The following C1orf174 variants were observed in gnomAD, a reference collection of about 807,000 sequenced individuals.
C1orf174 encodes UPF0688 protein C1orf174.
In C1orf174, 13 loss-of-function variants were observed where a neutral mutation model predicts 18.4. The observed-to-expected ratio is 0.71, with a 90% CI of 0.46 to 1.12. The LOEUF (loss-of-function observed/expected upper bound fraction) is 1.12, where lower values mean the gene tolerates loss of function less well. Ranked by LOEUF, C1orf174 falls within the 50% of genes most tolerant of loss-of-function variation. The pLI, the probability that C1orf174 is intolerant of heterozygous loss-of-function variation, is 0.00. For synonymous variants in C1orf174, 100 were observed against 118.3 expected (o/e 0.85, Z 1.01); for missense variants, 309 against 308.0 (o/e 1.00, Z -0.02).
chr1:3,893,056 C>T (rs574862193), intron 1 of C1orf174, 60 bp from the exon 2 acceptor site: 135 of 1,564,690 alleles, frequency 8.6e-5, no homozygotes, highest in Admixed American at 1.9e-4. Flanking sequence ...AACATGTAGA[C>T]GAGAATTTCC....
At position 3,889,883 on chromosome 1, in the gene C1orf174, A is replaced by C; in HGVS notation, c.*77T>G. On this transcript the variant is annotated 3_prime_UTR_variant, in exon 4 of 4. Transcript: ENST00000361605. ...AGACATTCTCTTGGAGATACATTTT[A>C]TATAAATCTTGTAATGTGCTAAATT... is the stretch of plus-strand genomic sequence containing the variant. The C allele has an allele frequency of 7.9e-7, 1 of 1,263,688 alleles. No homozygotes were observed. The highest frequency in any genetic ancestry group is 2.3e-5 in the East Asian group (1 of 43,166). The allele number at this position is 1,263,688 out of a possible 1,614,324, so 78.3% of individuals were successfully genotyped here.
chr1:3,894,540 G>A lies in C1orf174; in HGVS notation c.16-1544C>T, dbSNP rs1276299151. 3.3e-5 allele frequency among the ~76,000 whole-genome samples: 5 copies of A among 149,934 alleles called. No individual in the cohort carries two copies. The East Asian group carries it at 9.8e-4, about 29-fold the overall frequency. Reference sequence around the variant, plus strand: ...GAGAATGGCGTGAACCCAGGAGGCGGAGCTTGCAGTGAGCCGAGATTGCGC... The same window carrying A: ...GAGAATGGCGTGAACCCAGGAGGCGAAGCTTGCAGTGAGCCGAGATTGCGC... On this transcript the variant is annotated intron_variant, in intron 1 of 3. Coordinates refer to ENST00000361605, the MANE Select transcript of C1orf174 (RefSeq NM_207356.3).
chr1:3,895,707 T>G (rs1438703828), intron 1 of C1orf174: 5 of 152,256 alleles, frequency 3.3e-5, no homozygotes, highest in African/African-American at 1.2e-4. Flanking sequence ...TGTCAAGAAT[T>G]GGTCACAGTC....
chr1:3,892,759 C>T (rs1243321027), intron 2 of C1orf174, 124 bp downstream of exon 2: 16 of 1,481,210 alleles, frequency 1.1e-5, no homozygotes, highest in South Asian at 1.4e-5. Flanking sequence ...CTGCAATAGT[C>T]CCCCTCTGGC....
Position 3,892,868 on chromosome 1 carries a change from G to T in C1orf174, c.129+15C>A. The T allele has an allele frequency of 1.2e-6, 2 of 1,613,188 alleles. No homozygotes were observed. The highest frequency in any genetic ancestry group is 8.5e-7 in the Non-Finnish European group (1 of 1,179,574). On this transcript the variant is annotated intron_variant, in intron 2 of 3. Transcript: ENST00000361605. ...GAGTCAGGATCTTGGCGTTCTCCAC[G>T]GTAACAGGGCTCACCAGACATGCTG... is the stretch of plus-strand genomic sequence containing the variant.
intron 1 of C1orf174, among the ~76,000 whole-genome samples, chr1:3,898,293 T>C (rs1284628759): frequency 1.3e-5 from 2 of 152,186 alleles, no homozygotes; most frequent in African/African-American, 2.4e-5. Flanking sequence ...AGTGATCACC[T>C]GAGGTCAGGA....
At chr1:3,893,089 C>T (rs969783991) in intron 1 of C1orf174, 93 bp from the exon 2 acceptor site, 26 of 1,347,690 alleles carry the variant, frequency 1.9e-5, no homozygotes, top group African/African-American at 1.6e-4. Flanking sequence ...ACCCGAAGAC[C>T]GCCCCTCCCA....
chr1:3,890,983 C>T lies in C1orf174; in HGVS notation c.204G>A (p.Lys68=), dbSNP rs1350378271. 1 of 1,614,200 alleles carries T rather than the reference C, an allele frequency of 6.2e-7. No individual in the cohort carries two copies. The change falls in exon 3 of 4, where the codon AAG becomes AAA. Residue 68 remains lysine (K), a synonymous_variant. Coordinates refer to ENST00000361605, the MANE Select transcript of C1orf174 (RefSeq NM_207356.3). ...KFKCDKGHLV[K]SELQKLVPKN... ...TAGGGACAAGCTTCTGTAATTCTGA[C>T]TTCACAAGATGTCCTTTGTCACATT...
At chr1:3,896,560 G>A (rs1396864846) in intron 1 of C1orf174, among the ~76,000 whole-genome samples, 1 of 152,248 alleles carries the variant, frequency 6.6e-6, no homozygotes, top group Non-Finnish European at 1.5e-5. Context: ...CCCTGCCATG[G>A]AATGTGGAGA....
chr1:3,893,888 A>G (rs1427048870), intron 1 of C1orf174, among the ~76,000 whole-genome samples: 1 of 152,184 alleles, frequency 6.6e-6, no homozygotes, highest in East Asian at 1.9e-4. Flanking sequence ...AGAGTGAGAC[A>G]GTGTCTCTGA....
At chr1:3,894,657 C>T (rs1302731390) in intron 1 of C1orf174, among the ~76,000 whole-genome samples, 2 of 151,974 alleles carry the variant, frequency 1.3e-5, no homozygotes, top group Admixed American at 6.6e-5. Flanking sequence ...ACCCCGTAGC[C>T]CAAGACAGCT....
At position 3,893,488 on chromosome 1, in the gene C1orf174, T is replaced by C. The variant is rs565393833; in HGVS notation, c.16-492A>G. Among the ~76,000 whole-genome samples the C allele has an allele frequency of 2.6e-5, 4 of 152,312 alleles. No individual in the cohort carries two copies. The East Asian group carries it at 7.7e-4, about 29-fold the overall frequency. Reference sequence around the variant, plus strand: ...TATTAACAAACTGGTCCACCTCTCTTTTATCCTGAATGCAAAGCAAACTCC... The same window carrying C: ...TATTAACAAACTGGTCCACCTCTCTCTTATCCTGAATGCAAAGCAAACTCC... On this transcript the variant is annotated intron_variant, in intron 1 of 3. Transcript: ENST00000361605.
intron 1 of C1orf174, among the ~76,000 whole-genome samples, chr1:3,893,947 C>A (rs147702690): frequency 2.0e-5 from 3 of 152,334 alleles, no homozygotes; most frequent in African/African-American, 7.2e-5. Flanking sequence ...GTAGCCTTCA[C>A]TCAGCTTCCA....
intron 1 of C1orf174, among the ~76,000 whole-genome samples, chr1:3,895,045 G>GCCTC (rs1638581680): frequency 6.6e-6 from 1 of 152,226 alleles, no homozygotes; most frequent in South Asian, 2.1e-4. Context: ...GCCATCACGT[G>GCCTC]CCTCGTAGGG....
At chr1:3,896,456 C>A (rs1300325272) in intron 1 of C1orf174, among the ~76,000 whole-genome samples, 2 of 152,234 alleles carry the variant, frequency 1.3e-5, no homozygotes, top group African/African-American at 2.4e-5. Context: ...CCATTACTGT[C>A]CTCAGCTGCA....
chr1:3,896,267 C>G (rs757192017), intron 1 of C1orf174: 3 of 152,758 alleles, frequency 2.0e-5, no homozygotes, highest in Non-Finnish European at 4.4e-5. Context: ...GAAGGCTTCA[C>G]CTTGGCTCCA....
chr1:3,893,529 G>T (rs113844938), intron 1 of C1orf174, among the ~76,000 whole-genome samples: 2 of 152,084 alleles, frequency 1.3e-5, no homozygotes, highest in Non-Finnish European at 2.9e-5. Flanking sequence ...TAACAAGAAA[G>T]AAATTAATTA....
In C1orf174 at chr1:3,889,715, A is replaced by C; in HGVS notation, c.*245T>G. ...TGTCTCCAAGGAAAAAAAAAAAAAAAAAAAAAGAAAGGACATTGGCACAGT... is the reference window on the plus strand; with the variant it reads ...TGTCTCCAAGGAAAAAAAAAAAAAACAAAAAAGAAAGGACATTGGCACAGT... On this transcript the variant is annotated 3_prime_UTR_variant, in exon 4 of 4. Coordinates refer to ENST00000361605, the MANE Select transcript of C1orf174 (RefSeq NM_207356.3). 3.1e-6 allele frequency: 1 copy of C among 320,822 alleles called. No homozygotes were observed. The allele number at this position is 320,822 out of a possible 1,614,324, so 19.9% of individuals were successfully genotyped here.
rs74530517 is a variant in C1orf174, at chr1:3,891,185, C to T, written c.130-128G>A. Reference sequence around the variant, plus strand: ...TGCTGTGACCACAACTTTCACAGATCGTCATTTCACTGTTTTGCCACCAAG... The same window carrying T: ...TGCTGTGACCACAACTTTCACAGATTGTCATTTCACTGTTTTGCCACCAAG... On this transcript the variant is annotated intron_variant, in intron 2 of 3. Coordinates refer to ENST00000361605, the MANE Select transcript of C1orf174 (RefSeq NM_207356.3). The T allele has an allele frequency of 7.9e-3, 9,648 of 1,223,420 alleles. 215 individuals carry two copies. Among genetic ancestry groups the T allele is most frequent in the African/African-American group, 0.052 (3,408 of 66,108 alleles). 75.8% of individuals were successfully genotyped at this position (1,223,420 alleles called of 1,614,324 possible).
Sources: gnomAD v4.1 joint callset for allele counts (sites outside exome capture counted in the v4.1 genomes callset) on GRCh38, gnomAD v4.1.1 for gene constraint, MANE v1.5 for transcripts, NCBI Gene and HGNC (gene_info 2026-07-23, HGNC 2026-07-21) for gene names.